HYOU1: variants seen among roughly 807,000 people sequenced by gnomAD.
HYOU1 encodes the protein hypoxia up-regulated protein 1.
Under a neutral mutation model 120.5 loss-of-function variants are expected in HYOU1, and 40 were observed. The ratio of observed to expected loss-of-function variants is 0.33; its 90% CI spans 0.26 to 0.43. The LOEUF (loss-of-function observed/expected upper bound fraction) is 0.43. Ranked by LOEUF, HYOU1 falls within the 20% of genes least tolerant of loss-of-function variation. The pLI is 1.00. For missense variants in HYOU1, 1,085 were observed against 1,278.3 expected, an observed-to-expected ratio of 0.85 and a Z score of 2.31; for synonymous variants, 501 against 479.4, an observed-to-expected ratio of 1.05 and a Z score of -0.59.
chr11:119,045,661 G>C lies in HYOU1; in HGVS notation c.2939-7C>G, dbSNP rs782246082. On this transcript the variant is annotated splice_polypyrimidine_tract_variant and splice_region_variant and intron_variant, in intron 25 of 25. Transcript: ENST00000617285. ...TGTTCTTTCTGTTCAGGTTCTGTTG[G>C]GAGTTTGGGGGAGCAAAGGAATCAC... The C allele has an allele frequency of 1.1e-5, 17 of 1,614,196 alleles. No individual in the cohort carries two copies. In the South Asian group the frequency reaches 1.8e-4, roughly 17 times the overall value.
chr11:119,056,957 G>C (rs1435162262), intron 1 of HYOU1, 63 bp downstream of exon 1: 2 of 152,884 alleles, frequency 1.3e-5, no homozygotes, highest in Non-Finnish European at 2.9e-5. Context: ...CCCGCCCCCG[G>C]AGCTCGCACG....
At chr11:119,056,424 A>G (rs1483676925) in intron 1 of HYOU1, 1 of 565,788 alleles carries the variant, frequency 1.8e-6, no homozygotes, top group Non-Finnish European at 3.3e-6. Context: ...AGAAGCTAAC[A>G]GGACAAGAGA....
intron 14 of HYOU1, 53 bp from the exon 15 acceptor site, chr11:119,049,890 A>G: frequency 6.5e-7 from 1 of 1,527,596 alleles, no homozygotes; most frequent in South Asian, 1.1e-5. Flanking sequence ...CCTTTTCTCC[A>G]CAAACATCTG....
rs2133560885 is a variant in HYOU1 at position 119,048,094 on chromosome 11, G to A, written c.2377-14C>T. 22 of 1,613,790 alleles carry A rather than the reference G, an allele frequency of 1.4e-5. No homozygotes were observed. Among genetic ancestry groups the A allele is most frequent in the Non-Finnish European group, 1.9e-5 (22 of 1,180,046 alleles). On this transcript the variant is annotated splice_polypyrimidine_tract_variant and intron_variant, in intron 20 of 25. Coordinates refer to ENST00000617285, the MANE Select transcript of HYOU1 (RefSeq NM_006389.5). This position sits in a 1 kb window ranked among gnomAD's most constrained non-coding sequence, Gnocchi z 4.7. Reference sequence around the variant, plus strand: ...CTCCTTCAACATCTGATGGATGTGCGATTGGGCAGAGGGGTGGAAGGGACG... The same window carrying A: ...CTCCTTCAACATCTGATGGATGTGCAATTGGGCAGAGGGGTGGAAGGGACG...
chr11:119,054,332 T>C, intron 7 of HYOU1, 96 bp from the exon 8 acceptor site: 1 of 1,237,628 alleles, frequency 8.1e-7, no homozygotes, highest in Non-Finnish European at 1.2e-6. Context: ...GTCTGACTCT[T>C]AACACAAAAC....
chr11:119,056,433 G>C (rs782159237), intron 1 of HYOU1: 2 of 548,834 alleles, frequency 3.6e-6, no homozygotes, highest in Non-Finnish European at 6.9e-6. Context: ...CAGGACAAGA[G>C]AAAGGAGACC....
chr11:119,048,195 G>A lies in HYOU1; in HGVS notation c.2376+53C>T, dbSNP rs1389421988. 1.2e-6 allele frequency: 2 copies of A among 1,606,258 alleles called. No individual in the cohort carries two copies. The highest frequency in any genetic ancestry group is 2.2e-5 in the East Asian group (1 of 44,788). On this transcript the variant is annotated intron_variant, in intron 20 of 25. Coordinates refer to ENST00000617285, the MANE Select transcript of HYOU1 (RefSeq NM_006389.5). This position sits in a 1 kb window ranked among gnomAD's most constrained non-coding sequence, Gnocchi z 4.7. ...CAGCTCTTCTCTCTCTCTGACCCTG[G>A]GAGAGGAAGGAGAGCTCCCACTCCA...
Position 119,055,607 on chromosome 11 carries a change from G to A in HYOU1, c.186-36C>T, listed in dbSNP as rs1944707442. On this transcript the variant is annotated intron_variant, in intron 3 of 25. Coordinates refer to ENST00000617285, the MANE Select transcript of HYOU1 (RefSeq NM_006389.5). The surrounding 1 kb of genome is among the most constrained non-coding windows in gnomAD (Gnocchi z 4.0). The stretch of plus-strand genomic sequence containing the variant: ...GAGATTTTGGGCCCAGGTGCCTGCA[G>A]CAGAAGGACTCAGAAGCCTCGACAC... 1 of 1,583,586 alleles carries A rather than the reference G, an allele frequency of 6.3e-7. No homozygotes were observed. Among genetic ancestry groups the A allele is most frequent in the Admixed American group, 1.7e-5 (1 of 59,950 alleles).
chr11:119,051,971 C>T lies in HYOU1; in HGVS notation c.1206-20G>A, dbSNP rs1258492014. On this transcript the variant is annotated intron_variant, in intron 11 of 25. Coordinates refer to ENST00000617285, the MANE Select transcript of HYOU1 (RefSeq NM_006389.5). The surrounding 1 kb of genome is among the most constrained non-coding windows in gnomAD (Gnocchi z 4.2). ...TCCTCCCTGGGAAAGCCCCAAGCCT[C>T]AGCACGGTCTACCCTGGAGCATGCA... 9.3e-6 allele frequency: 15 copies of T among 1,614,080 alleles called. No individual in the cohort carries two copies. The highest frequency in any genetic ancestry group is 1.3e-5 in the African/African-American group (1 of 75,036).
At chr11:119,046,942 T>C in intron 22 of HYOU1, 140 bp from the exon 23 acceptor site, 1 of 1,100,592 alleles carries the variant, frequency 9.1e-7, no homozygotes, top group East Asian at 2.5e-5. Flanking sequence ...CCCAAGAGGC[T>C]AACAGACTCC....
In HYOU1 at chr11:119,048,778, C is replaced by A. The variant is rs1304084122; in HGVS notation, c.2101G>T (p.Val701Leu). The A allele has an allele frequency of 6.2e-7, 1 of 1,614,090 alleles. No homozygotes were observed. The highest frequency in any genetic ancestry group is 8.5e-7 in the Non-Finnish European group (1 of 1,179,996). The change falls in exon 18 of 26, where the codon GTG (valine) becomes TTG (leucine). Residue 701 changes from valine (V) to leucine (L), a missense_variant. Val to Leu is a conservative substitution (Grantham distance 32). Transcript: ENST00000617285. The surrounding 1 kb of genome is among the most constrained non-coding windows in gnomAD (Gnocchi z 4.7). ...GGCAGGTCCAGAACAACCAGCTCCA[C>A]CCCGATCTCCTCTACCATTCGCCGC... ...RKRRMVEEIGVELVVLDLPDL... is the reference protein window; with the variant it reads ...RKRRMVEEIGLELVVLDLPDL...
Position 119,051,635 on chromosome 11 carries a change from A to G in HYOU1, c.1339-10T>C, listed in dbSNP as rs2133586609. On this transcript the variant is annotated splice_polypyrimidine_tract_variant and intron_variant, in intron 12 of 25. Transcript: ENST00000617285. The surrounding 1 kb of genome is among the most constrained non-coding windows in gnomAD (Gnocchi z 4.2). ...CCCTCGTGAACTCCACCTACACAGC[A>G]GGCAGACAGAGGCACACTGTTGCAC... 1.2e-6 allele frequency: 2 copies of G among 1,613,934 alleles called. No individual in the cohort carries two copies. The highest frequency in any genetic ancestry group is 1.7e-6 in the Non-Finnish European group (2 of 1,179,908).
At chr11:119,047,273 T>C in intron 22 of HYOU1, 1 of 202,012 alleles carries the variant, frequency 5.0e-6, no homozygotes, top group Non-Finnish European at 1.0e-5. Context: ...GGTCTCAATC[T>C]CTTGACCTGG....
Position 119,044,868 on chromosome 11 carries a change from T to G in HYOU1, c.*725A>C. On this transcript the variant is annotated 3_prime_UTR_variant, in exon 26 of 26. Transcript: ENST00000617285. ...GTGGCTTTCCTCTTCGGAGAGGTGG[T>G]GGGCTCCCTTCTTCACTGTGCCCCT... 1 of 275,004 alleles carries G rather than the reference T, an allele frequency of 3.6e-6. No individual in the cohort carries two copies. Among genetic ancestry groups the G allele is most frequent in the South Asian group, 3.4e-5 (1 of 29,100 alleles). The allele number at this position is 275,004 out of a possible 1,614,324, so 17.0% of individuals were successfully genotyped here. A position where few individuals can be genotyped will look rare whatever the true frequency, so the allele number is the denominator to read the frequency against.
Position 119,048,606 on chromosome 11 carries a change from G to A in HYOU1, c.2166-43C>T, listed in dbSNP as rs2133565914. ...GGTAGGGATGAGGGAGAGGGCAAGTGAGAACTTGAGACTCTGGGTCCGACA... is the reference window on the plus strand; with the variant it reads ...GGTAGGGATGAGGGAGAGGGCAAGTAAGAACTTGAGACTCTGGGTCCGACA... On this transcript the variant is annotated intron_variant, in intron 18 of 25. Transcript: ENST00000617285. This position sits in a 1 kb window ranked among gnomAD's most constrained non-coding sequence, Gnocchi z 4.7. 2.5e-6 allele frequency: 4 copies of A among 1,610,122 alleles called. No homozygotes were observed. Among genetic ancestry groups the A allele is most frequent in the South Asian group, 1.1e-5 (1 of 90,972 alleles).
rs1248235400 is a variant in HYOU1 at position 119,054,160 on chromosome 11, T to G, written c.755A>C (p.Glu252Ala). 2.5e-6 allele frequency: 4 copies of G among 1,614,052 alleles called. No homozygotes were observed. The highest frequency in any genetic ancestry group is 2.5e-6 in the Non-Finnish European group (3 of 1,179,932). The stretch of plus-strand genomic sequence containing the variant: ...CTGCAGCTGTGGCTGCATCCCAGCT[T>G]CCTTAGTCTTCACCATCTGGTAGGT... Reference protein sequence around the residue: ...IVTYQMVKTKEAGMQPQLQIR... With the variant: ...IVTYQMVKTKAAGMQPQLQIR... The change falls in exon 8 of 26, where the codon GAA (glutamate) becomes GCA (alanine). Residue 252 changes from glutamate (E) to alanine (A), a missense_variant. Physicochemically the swap from Glu to Ala is moderately radical, Grantham distance 107. Coordinates refer to ENST00000617285, the MANE Select transcript of HYOU1 (RefSeq NM_006389.5).
At chr11:119,049,257 A>T (rs2133571145) in intron 16 of HYOU1, 54 bp from the exon 17 acceptor site, 1 of 1,591,288 alleles carries the variant, frequency 6.3e-7, no homozygotes, top group Non-Finnish European at 8.5e-7. Context: ...GCCTCCAGGC[A>T]GGCCTGGCTC....
At position 119,052,119 on chromosome 11, in the gene HYOU1, A is replaced by T. The variant is rs2133590481; in HGVS notation, c.1176T>A (p.Val392=). Residue 392 remains valine (V), a synonymous_variant, in exon 11 of 26, where the codon GTT becomes GTA. Coordinates refer to ENST00000617285, the MANE Select transcript of HYOU1 (RefSeq NM_006389.5). This position sits in a 1 kb window ranked among gnomAD's most constrained non-coding sequence, Gnocchi z 5.0. ...CCACGGCCTTCAGCAGCACCTCCTG[A>T]ACTCTGGGGACCCGAGTGGCCCCAC... ...LVGGATRVPR[V]QEVLLKAVGK... is the part of the protein sequence containing the mutation. 6.2e-7 allele frequency: 1 copy of T among 1,614,020 alleles called. No individual in the cohort carries two copies. Among genetic ancestry groups the T allele is most frequent in the Non-Finnish European group, 8.5e-7 (1 of 1,180,020 alleles).
intron 24 of HYOU1, 110 bp downstream of exon 24, chr11:119,046,307 A>G: frequency 2.1e-6 from 2 of 939,252 alleles, no homozygotes; most frequent in Non-Finnish European, 3.3e-6. Context: ...TTAAAAACGC[A>G]AAGGCCATTC....
Sources: gnomAD v4.1 joint callset for allele counts on GRCh38, gnomAD v4.1.1 for gene constraint, Gnocchi (gnomAD v3.1) non-coding constraint, MANE v1.5 for transcripts, NCBI Gene and HGNC (gene_info 2026-07-23, HGNC 2026-07-21) for gene names.